C12orf42: variants seen among roughly 807,000 people sequenced by gnomAD.
C12orf42 encodes the protein uncharacterized protein C12orf42.
In C12orf42, 25 loss-of-function variants were observed where a neutral mutation model predicts 21.6. The observed-to-expected ratio is 1.16, with a 90% CI of 0.84 to 1.62. The LOEUF (loss-of-function observed/expected upper bound fraction) is 1.62, where lower values mean the gene tolerates loss of function less well. Among genes scored for constraint, C12orf42 ranks in the 40% most tolerant of loss-of-function variants. The pLI is 0.00. For synonymous variants in C12orf42, 174 were observed against 175.0 expected (o/e 0.99, Z 0.05); for missense variants, 483 against 459.3 (o/e 1.05, Z -0.47).
the C12orf42 span, among the ~76,000 whole-genome samples, chr12:103,150,028 T>G: frequency 6.6e-6 from 1 of 152,210 alleles, no homozygotes; most frequent in Non-Finnish European, 1.5e-5. Context: ...CCACCCATAT[T>G]AAAATTTTCC....
chr12:103,088,869 C>T, the C12orf42 span, among the ~76,000 whole-genome samples: 1 of 151,980 alleles, frequency 6.6e-6, no homozygotes, highest in Non-Finnish European at 1.5e-5. Context: ...TTTGGGAGGC[C>T]GAGGAGGCCA....
At chr12:103,195,621 GC>G in the C12orf42 span, among the ~76,000 whole-genome samples, 5 of 151,944 alleles carry the variant, frequency 3.3e-5, no homozygotes, top group Non-Finnish European at 5.9e-5. Context: ...CATGTCATTT[GC>G]CCATTTTTTA....
intron 4 of C12orf42, among the ~76,000 whole-genome samples, chr12:103,286,587 C>T (rs1268605084): frequency 6.6e-6 from 1 of 151,036 alleles, no homozygotes; most frequent in African/African-American, 2.4e-5. Context: ...TTATTATTAT[C>T]ATTATTACTA....
intron 4 of C12orf42, among the ~76,000 whole-genome samples, chr12:103,316,683 C>G (rs889045211): frequency 6.6e-6 from 1 of 151,942 alleles, no homozygotes; most frequent in Non-Finnish European, 1.5e-5. Context: ...AACCATATAC[C>G]ATATGTGTAA....
At chr12:103,483,973 C>A (rs1954649432) in intron 1 of C12orf42, among the ~76,000 whole-genome samples, 1 of 152,146 alleles carries the variant, frequency 6.6e-6, no homozygotes, top group African/African-American at 2.4e-5. Flanking sequence ...CACCCACATC[C>A]CAGCAAAGGA....
the C12orf42 span, among the ~76,000 whole-genome samples, chr12:103,072,315 G>A: frequency 2.6e-5 from 4 of 152,030 alleles, no homozygotes; most frequent in Non-Finnish European, 5.9e-5. Context: ...TGTTCAAAAT[G>A]TCTATATTGG....
the C12orf42 span, among the ~76,000 whole-genome samples, chr12:103,106,092 C>T: frequency 6.6e-6 from 1 of 152,118 alleles, no homozygotes; most frequent in Non-Finnish European, 1.5e-5. Flanking sequence ...GTAGAGAAAA[C>T]TTATTTTTAC....
downstream of C12orf42, among the ~76,000 whole-genome samples, chr12:103,264,347 G>T (rs1047436544): frequency 3.3e-5 from 5 of 151,580 alleles, no homozygotes; most frequent in Non-Finnish European, 5.9e-5. Flanking sequence ...GAGATGGTTA[G>T]AAGAGAAAGA....
chr12:103,302,501 G>A lies in C12orf42; in HGVS notation c.690C>T (p.Gly230=), dbSNP rs749240934. The A allele has an allele frequency of 6.2e-6, 10 of 1,613,258 alleles. No individual in the cohort carries two copies. The highest frequency in any genetic ancestry group is 1.7e-4 in the Middle Eastern group (1 of 6,018). ...IGLCRRSQTP[G]ALQSTGPSNT... ...TACTCGGGCCGGTGCTCTGCAGAGCGCCGGGCGTCTGGCTCCTCCTGCAGA... is the reference window on the plus strand; with the variant it reads ...TACTCGGGCCGGTGCTCTGCAGAGCACCGGGCGTCTGGCTCCTCCTGCAGA... Residue 230 remains glycine, a synonymous_variant, in exon 6 of 6, where the codon GGC becomes GGT. Coordinates refer to ENST00000548883, the MANE Select transcript of C12orf42 (RefSeq NM_198521.5).
the C12orf42 span, among the ~76,000 whole-genome samples, chr12:103,507,671 T>C: frequency 6.6e-6 from 1 of 150,894 alleles, no homozygotes; most frequent in Non-Finnish European, 1.5e-5. Context: ...CAGTAAGACC[T>C]TGTCTCCAAA....
At chr12:103,215,908 A>T in the C12orf42 span, among the ~76,000 whole-genome samples, 1 of 152,394 alleles carries the variant, frequency 6.6e-6, no homozygotes, top group South Asian at 2.1e-4. Flanking sequence ...TTCTAAGAAG[A>T]CATAAATATC....
the C12orf42 span, among the ~76,000 whole-genome samples, chr12:103,099,107 A>G: frequency 4.6e-5 from 7 of 152,340 alleles, no homozygotes; most frequent in East Asian, 1.3e-3. Flanking sequence ...TTTGATCTGG[A>G]AGTAATTTTT....
intron 4 of C12orf42, among the ~76,000 whole-genome samples, chr12:103,310,606 C>G (rs146689007): frequency 6.6e-6 from 1 of 152,296 alleles, no homozygotes; most frequent in African/African-American, 2.4e-5. Flanking sequence ...CTATCAATTA[C>G]CTCCTTTCAT....
the C12orf42 span, among the ~76,000 whole-genome samples, chr12:103,066,918 C>T: frequency 3.9e-5 from 6 of 152,194 alleles, no homozygotes; most frequent in Admixed American, 6.5e-5. Context: ...TACCCAATCA[C>T]CCCTATCATT....
the C12orf42 span, among the ~76,000 whole-genome samples, chr12:103,096,836 G>A: frequency 6.6e-6 from 1 of 152,166 alleles, no homozygotes; most frequent in Admixed American, 6.5e-5. Flanking sequence ...TGACATGCTT[G>A]CAGTCACACA....
intron 2 of C12orf42, among the ~76,000 whole-genome samples, chr12:103,428,745 C>A (rs944214073): frequency 6.6e-6 from 1 of 152,122 alleles, no homozygotes; most frequent in Non-Finnish European, 1.5e-5. Flanking sequence ...CTGAATCCAG[C>A]AGCACATCAA....
chr12:103,393,944 C>G (rs1390051045), intron 3 of C12orf42, among the ~76,000 whole-genome samples: 2 of 152,166 alleles, frequency 1.3e-5, no homozygotes, highest in East Asian at 1.9e-4. Context: ...GAACCTTCCC[C>G]AGGTATGCTG....
chr12:103,072,936 A>G, the C12orf42 span, among the ~76,000 whole-genome samples: 6 of 152,216 alleles, frequency 3.9e-5, no homozygotes, highest in Non-Finnish European at 7.3e-5. Context: ...TTAAATACCC[A>G]TCAATGATAG....
chr12:103,132,366 G>A, the C12orf42 span, among the ~76,000 whole-genome samples: 2 of 152,020 alleles, frequency 1.3e-5, no homozygotes, highest in African/African-American at 4.8e-5. Flanking sequence ...AAAAGTAGAT[G>A]AGTGACCCTC....
Sources: gnomAD v4.1 joint callset for allele counts (sites outside exome capture counted in the v4.1 genomes callset) on GRCh38, gnomAD v4.1.1 for gene constraint, MANE v1.5 for transcripts, NCBI Gene and HGNC (gene_info 2026-07-23, HGNC 2026-07-21) for gene names.